Variants in RBPMS2 observed in about 807,000 individuals in gnomAD.
RBPMS2 encodes RNA binding protein, mRNA processing factor 2.
A neutral mutation model predicts 25.7 loss-of-function variants in RBPMS2; 14 were observed. The ratio of observed to expected loss-of-function variants is 0.55; its 90% CI spans 0.36 to 0.85. The LOEUF (loss-of-function observed/expected upper bound fraction) is 0.85. RBPMS2 is among the 40% of genes least tolerant of loss of function. The probability of loss-of-function intolerance (pLI) is 0.01; values close to 1 mark genes in which losing one functional copy is unlikely to be tolerated. For synonymous variants in RBPMS2, 127 were observed against 115.6 expected (o/e 1.10, Z -0.63); for missense variants, 252 against 283.4 (o/e 0.89, Z 0.80).
intron 1 of RBPMS2, among the ~76,000 whole-genome samples, chr15:64,760,751 G>A (rs545557713): frequency 1.3e-5 from 2 of 151,700 alleles, no homozygotes; most frequent in East Asian, 1.9e-4. Flanking sequence ...GCACTGAGCC[G>A]AGATCACGTC....
intron 1 of RBPMS2, among the ~76,000 whole-genome samples, chr15:64,765,386 G>T (rs921475589): frequency 6.7e-6 from 1 of 148,334 alleles, no homozygotes; most frequent in African/African-American, 2.5e-5. Flanking sequence ...CTGCACTCCA[G>T]CCTGGCGACA....
In RBPMS2 at chr15:64,744,878, G is replaced by A. The variant is rs1479321865; in HGVS notation, c.567+3541C>T. ...CACCCAGGCTAGAGTGCAGTGGCGC[G>A]ATCTTGGCTCACTGCAACCTCTGCC... On this transcript the variant is annotated intron_variant, in intron 6 of 7. Transcript: ENST00000300069. 9.6e-5 allele frequency among the ~76,000 whole-genome samples: 12 copies of A among 125,122 alleles called. No homozygotes were observed. In the East Asian group the frequency reaches 1.0e-3, roughly 11 times the overall value. 82.1% of individuals were successfully genotyped at this position (125,122 alleles called of 152,430 possible).
chr15:64,759,120 C>T (rs1295826214), intron 1 of RBPMS2, among the ~76,000 whole-genome samples: 1 of 152,060 alleles, frequency 6.6e-6, no homozygotes, highest in Non-Finnish European at 1.5e-5. Context: ...TCCCCACCTC[C>T]CCGGGAGGCC....
intron 1 of RBPMS2, among the ~76,000 whole-genome samples, chr15:64,769,124 A>AG (rs2083872941): frequency 6.9e-6 from 1 of 145,604 alleles, no homozygotes; most frequent in Non-Finnish European, 1.5e-5. Context: ...AAAAAAAAAA[A>AG]GAATTTTAAA....
chr15:64,773,042 G>C (rs1411900583), intron 1 of RBPMS2, among the ~76,000 whole-genome samples: 2 of 152,166 alleles, frequency 1.3e-5, no homozygotes, highest in Non-Finnish European at 2.9e-5. Context: ...TTTAGGAATT[G>C]AGGTCTTACG....
At chr15:64,744,691 C>A (rs2083597939) in intron 6 of RBPMS2, among the ~76,000 whole-genome samples, 1 of 151,044 alleles carries the variant, frequency 6.6e-6, no homozygotes, top group Non-Finnish European at 1.5e-5. Context: ...CTACAGGGAG[C>A]TGGACACATT....
At chr15:64,758,211 C>T (rs368888779) in intron 1 of RBPMS2, among the ~76,000 whole-genome samples, 1 of 152,322 alleles carries the variant, frequency 6.6e-6, no homozygotes, top group African/African-American at 2.4e-5. Flanking sequence ...CACTTGGGCC[C>T]TTTTCCATAC....
chr15:64,763,152 G>C (rs2083808003), intron 1 of RBPMS2, among the ~76,000 whole-genome samples: 1 of 152,124 alleles, frequency 6.6e-6, no homozygotes. Flanking sequence ...CCTCCCATAG[G>C]AAAGAAGGCC....
intron 1 of RBPMS2, among the ~76,000 whole-genome samples, chr15:64,757,084 T>C (rs1249908337): frequency 6.6e-6 from 1 of 151,502 alleles, no homozygotes; most frequent in Admixed American, 6.6e-5. Flanking sequence ...GAGATCTTCC[T>C]GCCTCAGCCT....
intron 1 of RBPMS2, chr15:64,761,144 C>T (rs2083780931): frequency 6.6e-6 from 1 of 151,992 alleles, no homozygotes; most frequent in Non-Finnish European, 1.5e-5. Flanking sequence ...GTTCAAGTAA[C>T]GAATGCACGT....
At chr15:64,752,038 C>G (rs957601019) in intron 1 of RBPMS2, among the ~76,000 whole-genome samples, 10 of 150,408 alleles carry the variant, frequency 6.6e-5, no homozygotes, top group African/African-American at 2.5e-4. Flanking sequence ...GATCTCAGCT[C>G]ACTGCAACCT....
At chr15:64,768,126 A>T (rs1023914502) in intron 1 of RBPMS2, among the ~76,000 whole-genome samples, 14 of 152,254 alleles carry the variant, frequency 9.2e-5, no homozygotes, top group African/African-American at 3.1e-4. Context: ...TTTAGTTAAA[A>T]TGCCCAAAGC....
intron 1 of RBPMS2, among the ~76,000 whole-genome samples, chr15:64,763,395 C>T (rs1174284338): frequency 6.6e-6 from 1 of 152,132 alleles, no homozygotes; most frequent in Non-Finnish European, 1.5e-5. Context: ...GATCCCCTTG[C>T]AAGAAGCCCC....
rs1211230761 is a variant in RBPMS2, at chr15:64,769,899, G to A, written c.87+5334C>T. On this transcript the variant is annotated intron_variant, in intron 1 of 7. Coordinates refer to ENST00000300069, the MANE Select transcript of RBPMS2 (RefSeq NM_194272.3). ...TTAGAAACTTTAATTGCAGATACCC[G>A]GCTGGGCGCGGTGGCTCACGCCTGT... is the stretch of plus-strand genomic sequence containing the variant. Among the ~76,000 whole-genome samples the A allele has an allele frequency of 4.6e-5, 7 of 152,182 alleles. No homozygotes were observed. In the East Asian group the frequency reaches 7.7e-4, roughly 17 times the overall value.
Position 64,775,330 on chromosome 15 carries a change from AG to A in RBPMS2, c.-12del. ...CTTCAGGTTGCTCATGGTGCGGGGG[AG>A]GGGGCGGCGGGAAGGAACGCGAGGG... On this transcript the variant is annotated 5_prime_UTR_variant, in exon 1 of 8. Coordinates refer to ENST00000300069, the MANE Select transcript of RBPMS2 (RefSeq NM_194272.3). 3 of 1,265,380 alleles carry A rather than the reference AG, an allele frequency of 2.4e-6. No homozygotes were observed. The highest frequency in any genetic ancestry group is 2.0e-6 in the Non-Finnish European group (2 of 998,984). 78.4% of individuals were successfully genotyped at this position (1,265,380 alleles called of 1,614,324 possible).
At chr15:64,764,240 G>C (rs1244615058) in intron 1 of RBPMS2, among the ~76,000 whole-genome samples, 1 of 152,196 alleles carries the variant, frequency 6.6e-6, no homozygotes, top group African/African-American at 2.4e-5. Context: ...CTGCCTGTGT[G>C]CCTGGCAAGG....
intron 3 of RBPMS2, 79 bp downstream of exon 3, chr15:64,750,264 G>C: frequency 5.6e-6 from 7 of 1,252,106 alleles, no homozygotes; most frequent in Non-Finnish European, 8.2e-6. Flanking sequence ...TCTAGATTAG[G>C]GAAGGGTTAA....
intron 1 of RBPMS2, among the ~76,000 whole-genome samples, chr15:64,754,303 C>T (rs1469641760): frequency 1.3e-5 from 2 of 148,688 alleles, no homozygotes; most frequent in African/African-American, 5.0e-5. Context: ...CAGAGTGAGA[C>T]TCCATCTCAG....
rs77509053 is a variant in RBPMS2 at position 64,746,976 on chromosome 15, G to C, written c.567+1443C>G. The stretch of plus-strand genomic sequence containing the variant: ...GCATCAAGTCACTGCCCAGGTCAGG[G>C]TAGACAGGATGAGCTTCCCTGCTCC... On this transcript the variant is annotated intron_variant, in intron 6 of 7. Transcript: ENST00000300069. Among the ~76,000 whole-genome samples the C allele has an allele frequency of 6.2e-3, 943 of 152,238 alleles. 12 individuals are homozygous for C. Among genetic ancestry groups the C allele is most frequent in the African/African-American group, 0.022 (907 of 41,534 alleles).
Sources: gnomAD v4.1 joint callset for allele counts (sites outside exome capture counted in the v4.1 genomes callset) on GRCh38, gnomAD v4.1.1 for gene constraint, MANE v1.5 for transcripts, NCBI Gene and HGNC (gene_info 2026-07-23, HGNC 2026-07-21) for gene names.